The following SGCE variants were observed in gnomAD, a reference collection of about 807,000 sequenced individuals.
SGCE encodes the protein sarcoglycan epsilon.
SGCE carries 26 observed loss-of-function variants against 57.8 expected under a neutral mutation model. That is an observed-to-expected ratio of 0.45 (90% confidence interval 0.33 to 0.62). SGCE has a LOEUF of 0.62. Ranked by LOEUF, SGCE falls within the 20% of genes least tolerant of loss-of-function variation. The probability of loss-of-function intolerance (pLI) is 0.02; values close to 1 mark genes in which losing one functional copy is unlikely to be tolerated. For synonymous variants in SGCE, 183 were observed against 189.5 expected, an observed-to-expected ratio of 0.97 and a Z score of 0.28; for missense variants, 468 against 548.6, an observed-to-expected ratio of 0.85 and a Z score of 1.47.
chr7:94,630,435 A>C (rs909040116), intron 1 of SGCE, among the ~76,000 whole-genome samples: 1 of 151,838 alleles, frequency 6.6e-6, no homozygotes. Context: ...TGATTTATTC[A>C]ATTTTCTCTG....
intron 5 of SGCE, among the ~76,000 whole-genome samples, chr7:94,609,330 C>T (rs1199012047): frequency 2.0e-5 from 3 of 152,234 alleles, no homozygotes; most frequent in Non-Finnish European, 4.4e-5. Flanking sequence ...AGTTTGAGAC[C>T]AGCCTCGCCA....
chr7:94,651,973 C>T lies in SGCE; in HGVS notation c.109+4017G>A, dbSNP rs560271964. On this transcript the variant is annotated intron_variant, in intron 1 of 10. Transcript: ENST00000648936. ...TTGTTTCTCGTACTGCTACTTTAGG[C>T]TTAATATTTCTGGAAATCAGGGAGA... Among the ~76,000 whole-genome samples the T allele has an allele frequency of 5.5e-4, 84 of 151,392 alleles. 1 individual carries two copies. Among genetic ancestry groups the T allele is most frequent in the South Asian group, 2.5e-3 (12 of 4,798 alleles).
At chr7:94,605,281 A>T (rs1799942191) in intron 5 of SGCE, among the ~76,000 whole-genome samples, 1 of 151,048 alleles carries the variant, frequency 6.6e-6, no homozygotes, top group Non-Finnish European at 1.5e-5. Context: ...GAAATGTTAA[A>T]ATAACTTCTT....
chr7:94,644,566 G>A lies in SGCE; in HGVS notation c.109+11424C>T, dbSNP rs556358378. On this transcript the variant is annotated intron_variant, in intron 1 of 10. Coordinates refer to ENST00000648936, the MANE Select transcript of SGCE (RefSeq NM_003919.3). ...GACATCACTGTCCAAGTAAACAGCC[G>A]GATATGCCAAATGAAATTTAATCTG... The A allele has an allele frequency of 1.3e-3, 1,222 of 953,418 alleles. 1 individual carries two copies. The highest frequency in any genetic ancestry group is 1.6e-3 in the Non-Finnish European group (1,121 of 689,026). 59.1% of individuals were successfully genotyped at this position (953,418 alleles called of 1,614,324 possible).
At chr7:94,633,041 G>A (rs1228889690) in intron 1 of SGCE, among the ~76,000 whole-genome samples, 2 of 151,952 alleles carry the variant, frequency 1.3e-5, no homozygotes, top group Non-Finnish European at 2.9e-5. Flanking sequence ...ACAACACTAA[G>A]ATCTAATAAT....
rs1796769162 is a variant in SGCE at position 94,585,476 on chromosome 7, T to C, written c.*23A>G. The C allele has an allele frequency of 1.9e-6, 3 of 1,602,868 alleles. No individual in the cohort carries two copies. The highest frequency in any genetic ancestry group is 4.5e-5 in the East Asian group (2 of 44,708). ...GCTATATTGTCTGATTATAAATTCATTGCTTCAGTCAGTTTTCTTTCTTCA... is the reference window on the plus strand; with the variant it reads ...GCTATATTGTCTGATTATAAATTCACTGCTTCAGTCAGTTTTCTTTCTTCA... On this transcript the variant is annotated 3_prime_UTR_variant, in exon 11 of 11. Transcript: ENST00000648936.
Position 94,599,656 on chromosome 7 carries a change from G to GA in SGCE, c.1064+40dup, listed in dbSNP as rs1391390165. ...AGCATGATGGGCAACTGAGAGGTGG[G>GA]AAAAAATGATGAAGAAAATAACAGG... On this transcript the variant is annotated intron_variant, in intron 8 of 10. Transcript: ENST00000648936. 3 of 1,574,492 alleles carry GA rather than the reference G, an allele frequency of 1.9e-6. No homozygotes were observed. The African/African-American group carries it at 4.0e-5, about 21-fold the overall frequency.
At chr7:94,646,781 A>G (rs1807149020) in intron 1 of SGCE, among the ~76,000 whole-genome samples, 1 of 152,244 alleles carries the variant, frequency 6.6e-6, no homozygotes. Flanking sequence ...CCAACTAAGT[A>G]ACCTCTAAAA....
chr7:94,587,935 A>G (rs1047028119), intron 10 of SGCE: 107 of 1,425,420 alleles, frequency 7.5e-5, no homozygotes, highest in Admixed American at 4.2e-4. Flanking sequence ...CAATGCCGCT[A>G]TTCATACTCA....
chr7:94,628,252 G>C lies in SGCE; in HGVS notation c.340C>G (p.Leu114Val). 1 of 1,611,746 alleles carries C rather than the reference G, an allele frequency of 6.2e-7. No homozygotes were observed. Among genetic ancestry groups the C allele is most frequent in the Non-Finnish European group, 8.5e-7 (1 of 1,178,724 alleles). Residue 114 changes from leucine (L) to valine (V), a missense_variant, in exon 3 of 11, where the codon CTA becomes GTA. Physicochemically the swap from Leu to Val is conservative, Grantham distance 32. Coordinates refer to ENST00000648936, the MANE Select transcript of SGCE (RefSeq NM_003919.3). ...IQRTPYSDGV[L>V]YGSPTAENVG... ...TTTTCAGCTGTTGGGGACCCATATA[G>C]GACTCCATCACTATATGGTGTCCTT... is the stretch of plus-strand genomic sequence containing the variant.
chr7:94,649,061 G>A (rs117743374), intron 1 of SGCE, among the ~76,000 whole-genome samples: 372 of 152,254 alleles, frequency 2.4e-3, no homozygotes, highest in Non-Finnish European at 4.4e-3. Context: ...AAGAGTCTGC[G>A]TACATGTCAC....
chr7:94,592,583 A>G (rs1257887446), intron 9 of SGCE, among the ~76,000 whole-genome samples: 1 of 152,214 alleles, frequency 6.6e-6, no homozygotes, highest in Non-Finnish European at 1.5e-5. Context: ...GCATTTAAAT[A>G]GAAAATTGTG....
chr7:94,640,664 T>C (rs1356604785), intron 1 of SGCE, among the ~76,000 whole-genome samples: 1 of 151,220 alleles, frequency 6.6e-6, no homozygotes, highest in Non-Finnish European at 1.5e-5. Flanking sequence ...TTTTGTTTTT[T>C]TGAGATGGAG....
chr7:94,626,083 C>G (rs1244467352), intron 3 of SGCE: 2 of 152,056 alleles, frequency 1.3e-5, no homozygotes, highest in Non-Finnish European at 2.9e-5. Context: ...CCCATAAGAG[C>G]AAGCTACTTA....
At chr7:94,649,947 C>T (rs760440707) in intron 1 of SGCE, among the ~76,000 whole-genome samples, 1 of 152,162 alleles carries the variant, frequency 6.6e-6, no homozygotes, top group Non-Finnish European at 1.5e-5. Flanking sequence ...CGAAACTACT[C>T]ACAAAAGGGG....
At chr7:94,638,341 G>T (rs1805882844) in intron 1 of SGCE, among the ~76,000 whole-genome samples, 1 of 152,162 alleles carries the variant, frequency 6.6e-6, no homozygotes, top group Non-Finnish European at 1.5e-5. Context: ...AAAGAGATCT[G>T]GGGGTAGAAG....
At chr7:94,633,173 A>G (rs1804989159) in intron 1 of SGCE, among the ~76,000 whole-genome samples, 2 of 151,988 alleles carry the variant, frequency 1.3e-5, no homozygotes, top group South Asian at 2.1e-4. Flanking sequence ...CTCTGCAAAC[A>G]TACGCCACTA....
intron 1 of SGCE, among the ~76,000 whole-genome samples, chr7:94,632,546 T>C (rs1804871855): frequency 1.3e-5 from 2 of 152,112 alleles, no homozygotes; most frequent in African/African-American, 4.8e-5. Context: ...AAGTATAGTA[T>C]GCCATTCACT....
chr7:94,602,237 T>C lies in SGCE; in HGVS notation c.825+1053A>G, dbSNP rs181151072. Among the ~76,000 whole-genome samples the C allele has an allele frequency of 4.6e-5, 7 of 152,228 alleles. No homozygotes were observed. The East Asian group carries it at 1.3e-3, about 29-fold the overall frequency. Reference sequence around the variant, plus strand: ...AGCACCATGATTGAACAAATTTTCCTATAATAATTGAGCAAATTTGCCTAT... The same window carrying C: ...AGCACCATGATTGAACAAATTTTCCCATAATAATTGAGCAAATTTGCCTAT... On this transcript the variant is annotated intron_variant, in intron 6 of 10. Transcript: ENST00000648936.
Sources: allele counts gnomAD v4.1 joint callset (sites outside exome capture counted in the v4.1 genomes callset), GRCh38; gene constraint gnomAD v4.1.1; transcripts MANE v1.5; gene names NCBI Gene and HGNC (gene_info 2026-07-23, HGNC 2026-07-21).